The following SCAF8 variants were observed in gnomAD, a reference collection of about 807,000 sequenced individuals.
SCAF8 encodes SR-related CTD associated factor 8, also known as SR-related and CTD-associated factor 8.
SCAF8 carries 23 observed loss-of-function variants against 140.5 expected under a neutral mutation model. That is an observed-to-expected ratio of 0.16 (90% CI 0.12 to 0.23). SCAF8 has a LOEUF of 0.23. Among genes scored for constraint, SCAF8 ranks in the 10% least tolerant of loss-of-function variants. SCAF8 has a pLI of 1.00. For synonymous variants in SCAF8, 575 were observed against 528.9 expected (o/e 1.09, Z -1.20); for missense variants, 1,397 against 1,555.7 (o/e 0.90, Z 1.72).
At chr6:154,734,043 G>A in intron 1 of SCAF8, 113 bp downstream of exon 1, 1 of 1,398,632 alleles carries the variant, frequency 7.1e-7, no homozygotes, top group Non-Finnish European at 9.3e-7. Context: ...GGTGGGGTGA[G>A]CGGTGGCCTA....
chr6:154,806,285 A>G (rs969380571), intron 9 of SCAF8, among the ~76,000 whole-genome samples: 12 of 152,196 alleles, frequency 7.9e-5, no homozygotes, highest in African/African-American at 2.9e-4. Flanking sequence ...ATTTATTTCA[A>G]AGCCTTTTTC....
At chr6:154,741,091 G>T (rs1778556980) in intron 1 of SCAF8, among the ~76,000 whole-genome samples, 1 of 152,094 alleles carries the variant, frequency 6.6e-6, no homozygotes, top group East Asian at 1.9e-4. Context: ...GTTTTATGTT[G>T]TCTAGTAATT....
Position 154,769,715 on chromosome 6 carries a change from T to C in SCAF8, c.31-4274T>C, listed in dbSNP as rs754211262. On this transcript the variant is annotated intron_variant, in intron 1 of 19. Coordinates refer to ENST00000367178, the MANE Select transcript of SCAF8 (RefSeq NM_014892.5). The stretch of plus-strand genomic sequence containing the variant: ...TAACAACTTTTAATAAGGGGACATA[T>C]AGTTGGAATTAAAATTTAGATCTTT... 7.9e-4 allele frequency among the ~76,000 whole-genome samples: 121 copies of C among 152,330 alleles called. 1 individual carries two copies. Among genetic ancestry groups the C allele is most frequent in the Non-Finnish European group, 1.0e-3 (71 of 68,026 alleles).
At chr6:154,770,331 A>G (rs545004880) in intron 1 of SCAF8, among the ~76,000 whole-genome samples, 1 of 151,536 alleles carries the variant, frequency 6.6e-6, no homozygotes, top group Admixed American at 6.6e-5. Flanking sequence ...GAGTATGGTG[A>G]TCTGTGCCTG....
intron 1 of SCAF8, among the ~76,000 whole-genome samples, chr6:154,766,668 C>CTT (rs1226739849): frequency 0.015 from 1,505 of 97,200 alleles, 24 homozygotes; most frequent in East Asian, 0.038. Flanking sequence ...CACCCCCCCC[C>CTT]CTTTTTTTTT....
intron 1 of SCAF8, among the ~76,000 whole-genome samples, chr6:154,770,446 C>A (rs1308803072): frequency 4.0e-5 from 6 of 149,816 alleles, no homozygotes; most frequent in African/African-American, 1.5e-4. Flanking sequence ...GCGGTCCGTG[C>A]CTATAGTCCA....
In SCAF8 at chr6:154,833,058, G is replaced by C. The variant is rs765106393; in HGVS notation, c.3479G>C (p.Arg1160Thr). ...DDRRRPWERQ[R>T]DRDDRDFDFC... ...CGCAGAAGACCCTGGGAGAGGCAAAGGGATAGGGATGACAGAGATTTTGAT... is the reference window on the plus strand; with the variant it reads ...CGCAGAAGACCCTGGGAGAGGCAAACGGATAGGGATGACAGAGATTTTGAT... Residue 1160 changes from arginine to threonine, a missense_variant, in exon 20 of 20, where the codon AGG becomes ACG. By Grantham distance (71) the Arg-to-Thr change is moderately conservative. Transcript: ENST00000367178. 1.9e-6 allele frequency: 3 copies of C among 1,614,156 alleles called. No homozygotes were observed. The highest frequency in any genetic ancestry group is 2.2e-5 in the South Asian group (2 of 91,080).
intron 4 of SCAF8, among the ~76,000 whole-genome samples, chr6:154,790,757 G>A (rs148059491): frequency 1.2e-4 from 18 of 152,012 alleles, no homozygotes; most frequent in Admixed American, 1.0e-3. Context: ...TGATCTGTCC[G>A]CCTTGGCCTC....
Position 154,774,000 on chromosome 6 carries a change from G to C in SCAF8, c.42G>C (p.Leu14=). The change falls in exon 2 of 20, where the codon CTG becomes CTC. Residue 14 remains leucine, a synonymous_variant. Coordinates refer to ENST00000367178, the MANE Select transcript of SCAF8 (RefSeq NM_014892.5). The part of the protein sequence containing the change: ...VKTFNSELYS[L]NDYKPPISKA... ...TCTTTTTTCATCAGTTGTATTCCCTGAATGACTATAAACCACCCATTTCGA... is the reference window on the plus strand; with the variant it reads ...TCTTTTTTCATCAGTTGTATTCCCTCAATGACTATAAACCACCCATTTCGA... 6.2e-7 allele frequency: 1 copy of C among 1,611,050 alleles called. No homozygotes were observed. Among genetic ancestry groups the C allele is most frequent in the Non-Finnish European group, 8.5e-7 (1 of 1,177,522 alleles).
chr6:154,757,114 A>G (rs941728924), intron 1 of SCAF8, among the ~76,000 whole-genome samples: 4 of 152,082 alleles, frequency 2.6e-5, no homozygotes, highest in Non-Finnish European at 4.4e-5. Context: ...GGTTCAAGCA[A>G]TCCTCCTGAG....
intron 13 of SCAF8, 118 bp from the exon 14 acceptor site, chr6:154,818,361 G>A (rs938144754): frequency 4.6e-6 from 2 of 434,384 alleles, no homozygotes; most frequent in African/African-American, 2.1e-5. Flanking sequence ...AAATAAGTCA[G>A]TAATCTATCA....
At chr6:154,826,142 G>A (rs534875659) in intron 17 of SCAF8, among the ~76,000 whole-genome samples, 4 of 152,018 alleles carry the variant, frequency 2.6e-5, no homozygotes, top group Non-Finnish European at 5.9e-5. Context: ...ACAGTTTAAT[G>A]TGTAATTGGA....
Position 154,832,447 on chromosome 6 carries a change from G to A in SCAF8, c.2868G>A (p.Ser956=), listed in dbSNP as rs138363957. Residue 956 remains serine (S), a synonymous_variant, in exon 20 of 20, where the codon TCG becomes TCA. Coordinates refer to ENST00000367178, the MANE Select transcript of SCAF8 (RefSeq NM_014892.5). ...CCCAACGGGGAATCCCACCCCCATCGGTACTTGATTCAGCTCTTCATCCAC... is the reference window on the plus strand; with the variant it reads ...CCCAACGGGGAATCCCACCCCCATCAGTACTTGATTCAGCTCTTCATCCAC... The part of the protein sequence containing the change: ...IPPQRGIPPP[S]VLDSALHPPP... 42 of 1,613,948 alleles carry A rather than the reference G, an allele frequency of 2.6e-5. No individual in the cohort carries two copies. Among genetic ancestry groups the A allele is most frequent in the Non-Finnish European group, 3.1e-5 (37 of 1,179,980 alleles).
intron 6 of SCAF8, among the ~76,000 whole-genome samples, chr6:154,799,224 C>A (rs574481716): frequency 3.3e-5 from 5 of 151,172 alleles, no homozygotes; most frequent in Admixed American, 6.6e-5. Flanking sequence ...GCGATCCCCC[C>A]ACGTCAGCCT....
In SCAF8 at chr6:154,774,163, C is replaced by A. The variant is rs1029009688; in HGVS notation, c.114+91C>A. On this transcript the variant is annotated intron_variant, in intron 2 of 19. Coordinates refer to ENST00000367178, the MANE Select transcript of SCAF8 (RefSeq NM_014892.5). ...ATAATTTTTTTATGGATTATATGTTCTTTTTCACTTTACAGTGTTAACACA... is the reference window on the plus strand; with the variant it reads ...ATAATTTTTTTATGGATTATATGTTATTTTTCACTTTACAGTGTTAACACA... 5.7e-6 allele frequency: 5 copies of A among 875,850 alleles called. No individual in the cohort carries two copies. In the Admixed American group the frequency reaches 6.3e-5, roughly 11 times the overall value. 54.3% of individuals were successfully genotyped at this position (875,850 alleles called of 1,614,324 possible). A position where few individuals can be genotyped will look rare whatever the true frequency, so the allele number is the denominator to read the frequency against.
chr6:154,769,060 C>T (rs1776661286), intron 1 of SCAF8, among the ~76,000 whole-genome samples: 2 of 31,076 alleles, frequency 6.4e-5, no homozygotes, highest in South Asian at 3.7e-3. Flanking sequence ...GAGACACTGT[C>T]TCAAAAAAAA....
rs532275582 is a variant in SCAF8, at chr6:154,773,717, C to T, written c.31-272C>T. On this transcript the variant is annotated intron_variant, in intron 1 of 19. Coordinates refer to ENST00000367178, the MANE Select transcript of SCAF8 (RefSeq NM_014892.5). Reference sequence around the variant, plus strand: ...TTTCCAAAGCTGCTGCAACATTTTACGTTCCCACCAGTATTGTATGAGGGT... The same window carrying T: ...TTTCCAAAGCTGCTGCAACATTTTATGTTCCCACCAGTATTGTATGAGGGT... Among the ~76,000 whole-genome samples the T allele has an allele frequency of 6.7e-4, 102 of 152,274 alleles. 5 individuals carry two copies. In the South Asian group the frequency reaches 0.017, roughly 25 times the overall value.
intron 1 of SCAF8, among the ~76,000 whole-genome samples, chr6:154,739,698 A>T (rs1237099362): frequency 6.6e-6 from 1 of 152,152 alleles, no homozygotes; most frequent in Non-Finnish European, 1.5e-5. Context: ...CTGTTCCAGG[A>T]TGCAGGCTTT....
chr6:154,802,570 T>C (rs1036892950), intron 7 of SCAF8, among the ~76,000 whole-genome samples: 1 of 152,036 alleles, frequency 6.6e-6, no homozygotes, highest in Non-Finnish European at 1.5e-5. Flanking sequence ...TGAGCCAAGA[T>C]TGAGCAACTG....
Sources: gnomAD v4.1 joint callset for allele counts (sites outside exome capture counted in the v4.1 genomes callset) on GRCh38, gnomAD v4.1.1 for gene constraint, MANE v1.5 for transcripts, NCBI Gene and HGNC (gene_info 2026-07-23, HGNC 2026-07-21) for gene names.